The following EPS15 variants were observed in gnomAD, a reference collection of about 807,000 sequenced individuals.
EPS15 encodes the protein epidermal growth factor receptor substrate 15.
A neutral mutation model predicts 113.8 loss-of-function variants in EPS15; 72 were observed. That is an observed-to-expected ratio of 0.63 (90% confidence interval 0.52 to 0.77). The LOEUF is 0.77. Ranked by LOEUF, EPS15 falls within the 30% of genes least tolerant of loss-of-function variation. The probability of loss-of-function intolerance (pLI) is 0.00; values close to 1 mark genes in which losing one functional copy is unlikely to be tolerated. For synonymous variants in EPS15, 344 were observed against 363.4 expected (o/e 0.95, Z 0.61); for missense variants, 1,048 against 1,045.8 (o/e 1.00, Z -0.03).
chr1:51,491,437 G>A (rs1284884223), intron 1 of EPS15, among the ~76,000 whole-genome samples: 2 of 152,120 alleles, frequency 1.3e-5, no homozygotes, highest in Non-Finnish European at 2.9e-5. Context: ...TATACACATA[G>A]GTTTATAGTT....
chr1:51,497,595 A>C (rs146317377), intron 1 of EPS15, among the ~76,000 whole-genome samples: 12 of 152,342 alleles, frequency 7.9e-5, no homozygotes, highest in African/African-American at 2.2e-4. Context: ...GCATCTTAGA[A>C]GTATCATGAC....
intron 13 of EPS15, 46 bp from the exon 14 acceptor site, chr1:51,409,742 G>A (rs1649523207): frequency 7.3e-7 from 1 of 1,360,558 alleles, no homozygotes; most frequent in Non-Finnish European, 1.0e-6. Context: ...TGCGGGCAGG[G>A]GAGGGTTAAG....
chr1:51,365,861 A>G, intron 22 of EPS15, 92 bp downstream of exon 22: 1 of 760,776 alleles, frequency 1.3e-6, no homozygotes. Flanking sequence ...TCAAGTTGCA[A>G]CTTTGTGAGA....
At chr1:51,461,251 GC>G in intron 7 of EPS15, 101 bp from the exon 8 acceptor site, 1 of 791,100 alleles carries the variant, frequency 1.3e-6, no homozygotes, top group Non-Finnish European at 2.2e-6. Context: ...GGTGGCTCAT[GC>G]CCATATGGCC....
At position 51,357,376 on chromosome 1, in the gene EPS15, G is replaced by GA. The variant is rs56655497; in HGVS notation, c.2545-531dup. Among the ~76,000 whole-genome samples, 250 of 33,080 alleles carry GA rather than the reference G, an allele frequency of 7.6e-3. 1 individual carries two copies. The highest frequency in any genetic ancestry group is 8.4e-3 in the Non-Finnish European group (188 of 22,296). The allele number at this position is 33,080 out of a possible 152,430, so 21.7% of individuals were successfully genotyped here. ...TGGGTGACAAAGTGAGATTCCATCT[G>GA]AAAAAAAAAAAAAAAATATATATAT... is the stretch of plus-strand genomic sequence containing the variant. On this transcript the variant is annotated intron_variant, in intron 24 of 24. Transcript: ENST00000371733.
intron 1 of EPS15, among the ~76,000 whole-genome samples, chr1:51,507,031 T>C (rs1406105454): frequency 6.6e-6 from 1 of 152,204 alleles, no homozygotes; most frequent in Non-Finnish European, 1.5e-5. Flanking sequence ...CCCTTCAGAA[T>C]AGCATTTTTC....
rs1163476933 is a variant in EPS15, at chr1:51,447,976, G to GT, written c.651+69dup. 5 of 1,577,966 alleles carry GT rather than the reference G, an allele frequency of 3.2e-6. No individual in the cohort carries two copies. The African/African-American group carries it at 5.4e-5, about 17-fold the overall frequency. On this transcript the variant is annotated intron_variant, in intron 9 of 24. Coordinates refer to ENST00000371733, the MANE Select transcript of EPS15 (RefSeq NM_001981.3). ...TTGGTAGGTAAAATGCCTACAGATG[G>GT]TAAGGAGTGGTAAGATTCCTTGGCT...
At position 51,394,428 on chromosome 1, in the gene EPS15, T is replaced by C. The variant is rs753174526; in HGVS notation, c.2072A>G (p.Asn691Ser). 4 of 1,603,808 alleles carry C rather than the reference T, an allele frequency of 2.5e-6. No individual in the cohort carries two copies. The highest frequency in any genetic ancestry group is 4.5e-5 in the East Asian group (2 of 44,702). Residue 691 changes from asparagine to serine, a missense_variant, in exon 21 of 25, where the codon AAT becomes AGT. Physicochemically the swap from Asn to Ser is conservative, Grantham distance 46 (BLOSUM62 1). Coordinates refer to ENST00000371733, the MANE Select transcript of EPS15 (RefSeq NM_001981.3). ...TGTTCCACCAGGAGCAAAAGGATCA[T>C]TGTGCTTCAACGTTTCTACCTAAAC... Reference protein sequence around the residue: ...SITSVETLKHNDPFAPGGTVV... With the variant: ...SITSVETLKHSDPFAPGGTVV...
chr1:51,405,340 A>G (rs1484691603), intron 16 of EPS15, among the ~76,000 whole-genome samples: 1 of 151,828 alleles, frequency 6.6e-6, no homozygotes, highest in African/African-American at 2.4e-5. Context: ...GCTTTTGGTG[A>G]GGGTACTTAA....
chr1:51,431,023 CACACAAAA>C (rs1651689057), intron 12 of EPS15, among the ~76,000 whole-genome samples: 1 of 117,316 alleles, frequency 8.5e-6, no homozygotes, highest in African/African-American at 3.9e-5. Flanking sequence ...CACACACACA[CACACAAAA>C]ATAAAACTTG....
At chr1:51,435,939 G>A (rs1457013172) in intron 12 of EPS15, among the ~76,000 whole-genome samples, 5 of 152,156 alleles carry the variant, frequency 3.3e-5, no homozygotes, top group Non-Finnish European at 4.4e-5. Flanking sequence ...GTATGCTCCA[G>A]GCAAAGGCGA....
chr1:51,403,557 T>C, intron 16 of EPS15, 25 bp from the exon 17 acceptor site: 1 of 1,317,020 alleles, frequency 7.6e-7, no homozygotes, highest in Non-Finnish European at 1.1e-6. Flanking sequence ...TGCAAGTAGA[T>C]TAACAATATA....
intron 2 of EPS15, among the ~76,000 whole-genome samples, chr1:51,476,771 T>C (rs1643913403): frequency 6.6e-6 from 1 of 152,216 alleles, no homozygotes; most frequent in South Asian, 2.1e-4. Context: ...TGATTGCATA[T>C]GTTGAACCAG....
Position 51,399,045 on chromosome 1 carries a change from C to G in EPS15, c.2039G>C (p.Ser680Thr), listed in dbSNP as rs1048193584. The G allele has an allele frequency of 6.2e-7, 1 of 1,613,452 alleles. No individual in the cohort carries two copies. Among genetic ancestry groups the G allele is most frequent in the South Asian group, 1.1e-5 (1 of 90,982 alleles). ...TCTCCCACTTACCGATGTAATACTG[C>G]TATTGTTGGCTGCACTGAAAGGGTC... ...STDPFSAANN[S>T]SITSVETLKH... is the part of the protein sequence containing the mutation. The change falls in exon 20 of 25, where the codon AGC (serine) becomes ACC (threonine). Residue 680 changes from serine (S) to threonine (T), a missense_variant. Physicochemically the swap from Ser to Thr is moderately conservative, Grantham distance 58 (BLOSUM62 1). Coordinates refer to ENST00000371733, the MANE Select transcript of EPS15 (RefSeq NM_001981.3).
At chr1:51,452,626 T>C (rs2148489131) in intron 8 of EPS15, among the ~76,000 whole-genome samples, 1 of 152,290 alleles carries the variant, frequency 6.6e-6, no homozygotes, top group Non-Finnish European at 1.5e-5. Flanking sequence ...ATGAACACAC[T>C]GAAGCTAAGA....
At chr1:51,440,243 T>A (rs1463468750) in intron 12 of EPS15, 104 bp downstream of exon 12, 2 of 442,504 alleles carry the variant, frequency 4.5e-6, no homozygotes, top group South Asian at 1.2e-4. Context: ...GAAAGGTGTG[T>A]GTGGGGAGGA....
At chr1:51,421,999 C>G (rs1650804569) in intron 12 of EPS15, 141 bp from the exon 13 acceptor site, 2 of 1,337,424 alleles carry the variant, frequency 1.5e-6, no homozygotes, top group Admixed American at 3.1e-5. Context: ...ATTTTTCTAC[C>G]CTCTTTCAAT....
At chr1:51,510,206 C>T (rs1281328280) in intron 1 of EPS15, among the ~76,000 whole-genome samples, 1 of 152,086 alleles carries the variant, frequency 6.6e-6, no homozygotes, top group African/African-American at 2.4e-5. Flanking sequence ...CAAACACACG[C>T]ACACACACAC....
At chr1:51,467,974 T>C (rs1203458656) in intron 5 of EPS15, among the ~76,000 whole-genome samples, 1 of 152,050 alleles carries the variant, frequency 6.6e-6, no homozygotes, top group Admixed American at 6.6e-5. Context: ...TATATATTTT[T>C]TTAAGACAGG....
Sources: allele counts gnomAD v4.1 joint callset (sites outside exome capture counted in the v4.1 genomes callset), GRCh38; gene constraint gnomAD v4.1.1; transcripts MANE v1.5; gene names NCBI Gene and HGNC (gene_info 2026-07-23, HGNC 2026-07-21).